Variants in LIMA1 observed in about 807,000 individuals in gnomAD.
LIMA1 encodes the protein LIM domain and actin-binding protein 1.
A neutral mutation model predicts 62.6 loss-of-function variants in LIMA1; 52 were observed. The ratio of observed to expected loss-of-function variants is 0.83; its 90% confidence interval spans 0.67 to 1.05. The LOEUF is 1.05. LIMA1 is among the 50% of genes least tolerant of loss of function. LIMA1 has a pLI of 0.00. For missense variants in LIMA1, 780 were observed against 902.2 expected, an observed-to-expected ratio of 0.86 and a Z score of 1.74; for synonymous variants, 302 against 317.8, an observed-to-expected ratio of 0.95 and a Z score of 0.53.
In LIMA1 at chr12:50,204,598, T is replaced by C; in HGVS notation, c.818A>G (p.Lys273Arg). The C allele has an allele frequency of 5.0e-6, 8 of 1,614,244 alleles. No individual in the cohort carries two copies. Among genetic ancestry groups the C allele is most frequent in the Non-Finnish European group, 6.8e-6 (8 of 1,180,044 alleles). ...TTGTTTGGACACAGCTGCCTGGTAC[T>C]TGGCCATTCGATCCTTTATAGAGGT... ...SETSIKDRMA[K>R]YQAAVSKQSS... is the part of the protein sequence containing the mutation. The change falls in exon 6 of 11, where the codon AAG becomes AGG. Residue 273 changes from lysine (K) to arginine (R), a missense_variant. Physicochemically the swap from Lys to Arg is conservative, Grantham distance 26 (BLOSUM62 2). Transcript: ENST00000341247.
intron 1 of LIMA1, among the ~76,000 whole-genome samples, chr12:50,271,032 C>A (rs1942204281): frequency 6.6e-6 from 1 of 152,176 alleles, no homozygotes; most frequent in African/African-American, 2.4e-5. Context: ...GCGGAGCTTG[C>A]AGTGAGCCGA....
intron 7 of LIMA1, among the ~76,000 whole-genome samples, chr12:50,196,267 G>A (rs561672183): frequency 6.6e-6 from 1 of 152,188 alleles, no homozygotes; most frequent in Non-Finnish European, 1.5e-5. Context: ...CCACTCCAAG[G>A]AAAGATAAAG....
chr12:50,221,332 A>T (rs1368136592), intron 4 of LIMA1, among the ~76,000 whole-genome samples: 1 of 152,160 alleles, frequency 6.6e-6, no homozygotes, highest in Non-Finnish European at 1.5e-5. Context: ...TTGTGTTATA[A>T]ATCACCAGCA....
intron 5 of LIMA1, among the ~76,000 whole-genome samples, chr12:50,205,455 G>A (rs1404543575): frequency 6.6e-6 from 1 of 152,030 alleles, no homozygotes; most frequent in Non-Finnish European, 1.5e-5. Context: ...TGATGACTAG[G>A]TAGCTGATGT....
At chr12:50,225,345 A>G (rs894624211) in intron 3 of LIMA1, among the ~76,000 whole-genome samples, 1 of 152,192 alleles carries the variant, frequency 6.6e-6, no homozygotes, top group Non-Finnish European at 1.5e-5. Flanking sequence ...GCTGTAATAC[A>G]TGCCATTTTC....
intron 4 of LIMA1, among the ~76,000 whole-genome samples, chr12:50,210,427 AAAAAAAAAG>A (rs1412517919): frequency 6.6e-6 from 1 of 151,584 alleles, no homozygotes; most frequent in African/African-American, 2.4e-5. Flanking sequence ...CCAAAAAAAA[AAAAAAAAAG>A]AAAAAAAGAA....
At chr12:50,183,924 CA>C (rs1940569517) in intron 9 of LIMA1, among the ~76,000 whole-genome samples, 1 of 151,322 alleles carries the variant, frequency 6.6e-6, no homozygotes, top group African/African-American at 2.4e-5. Flanking sequence ...AATGGTTTTC[CA>C]AGTAGATTTG....
At chr12:50,178,543 A>G (rs1592487713) in intron 10 of LIMA1, among the ~76,000 whole-genome samples, 1 of 152,010 alleles carries the variant, frequency 6.6e-6, no homozygotes, top group Admixed American at 6.6e-5. Context: ...AAAAAAAAAA[A>G]AAGAAAAAAA....
chr12:50,191,723 G>A (rs1365713455), intron 9 of LIMA1, among the ~76,000 whole-genome samples: 5 of 152,298 alleles, frequency 3.3e-5, no homozygotes, highest in African/African-American at 7.2e-5. Flanking sequence ...TCGGGAGGCC[G>A]AGGTAGGAGA....
chr12:50,241,926 T>A, intron 2 of LIMA1, among the ~76,000 whole-genome samples: 1 of 139,488 alleles, frequency 7.2e-6, no homozygotes, highest in South Asian at 2.4e-4. Flanking sequence ...TCCTCTTTCC[T>A]TCCCAGATTT....
chr12:50,244,190 C>T (rs1201696281), intron 2 of LIMA1, among the ~76,000 whole-genome samples: 1 of 152,118 alleles, frequency 6.6e-6, no homozygotes, highest in Non-Finnish European at 1.5e-5. Flanking sequence ...CCTCCGCCCC[C>T]CAGGTCCCAG....
At chr12:50,219,133 G>C (rs1319007759) in intron 4 of LIMA1, among the ~76,000 whole-genome samples, 1 of 152,146 alleles carries the variant, frequency 6.6e-6, no homozygotes, top group East Asian at 1.9e-4. Flanking sequence ...TTGGCTGTGA[G>C]ACTATACAGG....
chr12:50,187,579 T>C (rs1940658341), intron 9 of LIMA1: 1 of 152,162 alleles, frequency 6.6e-6, no homozygotes. Context: ...GAAAAGGCAG[T>C]AATAGTGAGT....
intron 1 of LIMA1, among the ~76,000 whole-genome samples, chr12:50,257,989 C>T (rs756492793): frequency 9.9e-5 from 15 of 152,160 alleles, no homozygotes; most frequent in Non-Finnish European, 1.5e-4. Context: ...TTAAATTGTT[C>T]CAGCTCTTGG....
intron 9 of LIMA1, chr12:50,186,591 C>T (rs1389765185): frequency 6.6e-6 from 1 of 152,278 alleles, no homozygotes; most frequent in Non-Finnish European, 1.5e-5. Context: ...TCCAATCGCT[C>T]CAGTGATAAG....
At chr12:50,182,071 C>A (rs1286672030) in intron 9 of LIMA1, 34 bp from the exon 10 acceptor site, 2 of 1,611,706 alleles carry the variant, frequency 1.2e-6, no homozygotes, top group Admixed American at 3.3e-5. Context: ...TTAGCATGGG[C>A]AGCGATGAGT....
rs56674261 is a variant in LIMA1 at position 50,178,966 on chromosome 12, A to ATATATTTTT, written c.1275-898_1275-897insAAAAATATA. On this transcript the variant is annotated intron_variant, in intron 10 of 10. Transcript: ENST00000341247. ...TATATAAATACATATATATATATAT[A>ATATATTTTT]TTTTTTTTTTCTTTTTCTTTTCTTT... is the stretch of plus-strand genomic sequence containing the variant. Among the ~76,000 whole-genome samples, 640 of 128,920 alleles carry ATATATTTTT rather than the reference A, an allele frequency of 5.0e-3. 2 individuals are homozygous for ATATATTTTT. The highest frequency in any genetic ancestry group is 8.4e-3 in the Non-Finnish European group (481 of 57,012). 84.6% of individuals were successfully genotyped at this position (128,920 alleles called of 152,430 possible).
At position 50,177,139 on chromosome 12, in the gene LIMA1, T is replaced by C; in HGVS notation, c.2205A>G (p.Glu735=). The C allele has an allele frequency of 6.2e-7, 1 of 1,613,614 alleles. No individual in the cohort carries two copies. Among genetic ancestry groups the C allele is most frequent in the South Asian group, 1.1e-5 (1 of 90,878 alleles). ...KSQDVELWEG[E]VVKELSVEEQ... is the part of the protein sequence containing the mutation. ...CTTCCACAGAGAGCTCTTTGACCAC[T>C]TCTCCCTCCCAGAGTTCCACATCCT... Residue 735 remains glutamate, a synonymous_variant, in exon 11 of 11, where the codon GAA becomes GAG. Transcript: ENST00000341247.
intron 4 of LIMA1, among the ~76,000 whole-genome samples, chr12:50,210,247 A>G (rs1370094095): frequency 6.6e-6 from 1 of 151,798 alleles, no homozygotes; most frequent in African/African-American, 2.4e-5. Flanking sequence ...ACATGGCGAA[A>G]CCCCATCTCT....
Sources: allele counts gnomAD v4.1 joint callset (sites outside exome capture counted in the v4.1 genomes callset), GRCh38; gene constraint gnomAD v4.1.1; transcripts MANE v1.5; gene names NCBI Gene and HGNC (gene_info 2026-07-23, HGNC 2026-07-21).